DTD1: variants seen among roughly 807,000 people sequenced by gnomAD.
The protein encoded by DTD1 is D-tyrosyl-tRNA deacylase 1 homolog.
A neutral mutation model predicts 25.6 loss-of-function variants in DTD1; 13 were observed. The observed-to-expected ratio is 0.51, with a 90% CI of 0.33 to 0.81. The LOEUF (loss-of-function observed/expected upper bound fraction) is 0.81. Ranked by LOEUF, DTD1 falls within the 30% of genes least tolerant of loss-of-function variation. The pLI is 0.02. For missense variants in DTD1, 193 were observed against 266.4 expected (o/e 0.72, Z 1.92); for synonymous variants, 110 against 103.6 (o/e 1.06, Z -0.37).
chr20:18,601,271 G>A (rs937643002), intron 3 of DTD1, among the ~76,000 whole-genome samples: 12 of 152,102 alleles, frequency 7.9e-5, no homozygotes, highest in African/African-American at 2.9e-4. Context: ...AAGCCGAGGA[G>A]GTCAGATCAT....
chr20:18,597,947 A>G (rs1308564993), intron 3 of DTD1, among the ~76,000 whole-genome samples: 1 of 151,914 alleles, frequency 6.6e-6, no homozygotes, highest in African/African-American at 2.4e-5. Flanking sequence ...TTAGCTGGGC[A>G]TGGAATCCTA....
At chr20:18,660,191 A>T (rs2060904397) in intron 4 of DTD1, among the ~76,000 whole-genome samples, 1 of 152,164 alleles carries the variant, frequency 6.6e-6, no homozygotes, top group Admixed American at 6.5e-5. Context: ...TGGGAGCCAG[A>T]GCGAGACTCC....
At chr20:18,588,168 G>T (rs2060573524) in intron 1 of DTD1, 53 bp downstream of exon 1, 2 of 1,227,832 alleles carry the variant, frequency 1.6e-6, no homozygotes, top group East Asian at 3.3e-5. Flanking sequence ...CCCCGCGACC[G>T]GCTGTCTTGC....
chr20:18,667,906 A>G (rs1406186233), intron 4 of DTD1, among the ~76,000 whole-genome samples: 4 of 152,088 alleles, frequency 2.6e-5, no homozygotes, highest in Admixed American at 6.6e-5. Context: ...GGGAGTATCT[A>G]CCTACCTCAG....
intron 4 of DTD1, among the ~76,000 whole-genome samples, chr20:18,636,643 C>G (rs988784711): frequency 6.6e-6 from 1 of 152,086 alleles, no homozygotes; most frequent in African/African-American, 2.4e-5. Context: ...TGAGTTGGAT[C>G]AAGTAGACTC....
intron 4 of DTD1, among the ~76,000 whole-genome samples, chr20:18,688,039 G>A (rs967722262): frequency 2.6e-5 from 4 of 152,086 alleles, no homozygotes; most frequent in African/African-American, 7.2e-5. Flanking sequence ...TGATGCCAGC[G>A]GCTAGTTTCA....
chr20:18,743,790 T>C (rs1390680900), intron 4 of DTD1, among the ~76,000 whole-genome samples: 1 of 152,062 alleles, frequency 6.6e-6, no homozygotes, highest in Non-Finnish European at 1.5e-5. Context: ...CCTTCATATA[T>C]GGAGCTCTTC....
chr20:18,589,840 C>A (rs2060581948), intron 1 of DTD1, among the ~76,000 whole-genome samples: 1 of 152,160 alleles, frequency 6.6e-6, no homozygotes, highest in Non-Finnish European at 1.5e-5. Context: ...GTTAAAACAA[C>A]CAAACCTGCA....
intron 3 of DTD1, among the ~76,000 whole-genome samples, chr20:18,623,261 T>C (rs1014808505): frequency 6.6e-6 from 1 of 152,148 alleles, no homozygotes; most frequent in African/African-American, 2.4e-5. Context: ...TTTAAAATTA[T>C]TTTGAAAGAT....
intron 5 of DTD1, among the ~76,000 whole-genome samples, chr20:18,750,121 G>A (rs957327090): frequency 2.0e-5 from 3 of 152,134 alleles, no homozygotes; most frequent in Non-Finnish European, 4.4e-5. Flanking sequence ...TCCTGCTTCC[G>A]AGAATTTAGC....
intron 4 of DTD1, among the ~76,000 whole-genome samples, chr20:18,637,378 A>G (rs2060811412): frequency 6.6e-6 from 1 of 152,208 alleles, no homozygotes; most frequent in African/African-American, 2.4e-5. Context: ...TGCAGCAACA[A>G]CAGCTCAATA....
At chr20:18,703,687 A>G (rs2061114491) in intron 4 of DTD1, among the ~76,000 whole-genome samples, 1 of 147,816 alleles carries the variant, frequency 6.8e-6, no homozygotes, top group African/African-American at 2.5e-5. Flanking sequence ...ATATCCATGA[A>G]CTCATTTTTT....
chr20:18,631,135 A>T, intron 4 of DTD1: 3 of 985,362 alleles, frequency 3.0e-6, no homozygotes, highest in Non-Finnish European at 3.6e-6. Context: ...GATGGCATTG[A>T]CTCTGCTTCT....
chr20:18,693,328 ATTGT>A lies in DTD1; in HGVS notation c.478-50766_478-50763del, dbSNP rs1283554062. ...GAAGAGAAGTTAGTCAGTGAATAAC[ATTGT>A]TTGTTGTTTTCTGCCAGCTTTTCTT... On this transcript the variant is annotated intron_variant, in intron 4 of 5. Coordinates refer to ENST00000377452, the MANE Select transcript of DTD1 (RefSeq NM_080820.6). 4.6e-5 allele frequency among the ~76,000 whole-genome samples: 7 copies of A among 152,104 alleles called. No individual in the cohort carries two copies. In the East Asian group the frequency reaches 1.4e-3, roughly 30 times the overall value.
chr20:18,678,116 T>G (rs1469066255), intron 4 of DTD1, among the ~76,000 whole-genome samples: 1 of 152,240 alleles, frequency 6.6e-6, no homozygotes, highest in Non-Finnish European at 1.5e-5. Flanking sequence ...AGAGGTTCAC[T>G]AAATGCCAGC....
intron 4 of DTD1, among the ~76,000 whole-genome samples, chr20:18,683,553 A>G (rs1229984080): frequency 6.6e-6 from 1 of 152,198 alleles, no homozygotes; most frequent in Non-Finnish European, 1.5e-5. Context: ...GCTGGCTGGT[A>G]GTCATGAGCT....
chr20:18,714,416 T>C lies in DTD1; in HGVS notation c.478-29684T>C, dbSNP rs6136487. Among the ~76,000 whole-genome samples the C allele has an allele frequency of 1.1e-3, 172 of 152,370 alleles. 3 individuals are homozygous for C. In the East Asian group the frequency reaches 0.032, roughly 28 times the overall value. On this transcript the variant is annotated intron_variant, in intron 4 of 5. Coordinates refer to ENST00000377452, the MANE Select transcript of DTD1 (RefSeq NM_080820.6). ...ATTCTGTGCTGATGATTTCTTGCTA[T>C]GGGGATAATTCTCTTTTTCTTCAAG...
chr20:18,712,814 C>T (rs2122480371), intron 4 of DTD1, among the ~76,000 whole-genome samples: 1 of 152,364 alleles, frequency 6.6e-6, no homozygotes, highest in Admixed American at 6.5e-5. Flanking sequence ...TTACCAGTAG[C>T]TGTGTGGACA....
chr20:18,598,737 C>T (rs2060621910), intron 3 of DTD1, among the ~76,000 whole-genome samples: 1 of 151,482 alleles, frequency 6.6e-6, no homozygotes, highest in South Asian at 2.1e-4. Flanking sequence ...TCTCGATCTC[C>T]TGACCTCGTG....
Sources: gnomAD v4.1 joint callset for allele counts (sites outside exome capture counted in the v4.1 genomes callset) on GRCh38, gnomAD v4.1.1 for gene constraint, MANE v1.5 for transcripts, NCBI Gene and HGNC (gene_info 2026-07-23, HGNC 2026-07-21) for gene names.